The following BBX variants were observed in gnomAD, a reference collection of about 807,000 sequenced individuals.
BBX encodes the protein BBX high mobility group box domain containing, also known as HMG box transcription factor BBX.
A neutral mutation model predicts 100.2 loss-of-function variants in BBX; 30 were observed. That is an observed-to-expected ratio of 0.30 (90% CI 0.22 to 0.41). BBX has a LOEUF of 0.41. Among genes scored for constraint, BBX ranks in the 10% least tolerant of loss-of-function variants. The pLI is 1.00. For missense variants in BBX, 1,023 were observed against 1,129.8 expected (o/e 0.91, Z 1.35); for synonymous variants, 376 against 388.1 (o/e 0.97, Z 0.37).
chr3:107,726,586 A>G (rs1000278289), intron 5 of BBX, among the ~76,000 whole-genome samples: 2 of 152,032 alleles, frequency 1.3e-5, no homozygotes, highest in African/African-American at 2.4e-5. Context: ...ATTGTTTTCC[A>G]TAAAACCCCA....
intron 3 of BBX, among the ~76,000 whole-genome samples, chr3:107,667,657 T>C (rs947758429): frequency 1.3e-5 from 2 of 151,932 alleles, no homozygotes; most frequent in Non-Finnish European, 2.9e-5. Flanking sequence ...AAATTAAGAA[T>C]AAATTTTGAA....
intron 2 of BBX, among the ~76,000 whole-genome samples, chr3:107,642,872 G>C (rs1021401033): frequency 6.6e-6 from 1 of 152,006 alleles, no homozygotes; most frequent in African/African-American, 2.4e-5. Flanking sequence ...TATTGAGCTT[G>C]ATTGAATTAG....
chr3:107,790,670 T>TA (rs1559753804), intron 14 of BBX, among the ~76,000 whole-genome samples: 1 of 152,186 alleles, frequency 6.6e-6, no homozygotes, highest in Non-Finnish European at 1.5e-5. Context: ...CCCTGCATGT[T>TA]AGTGTCGTGA....
chr3:107,805,625 T>C lies in BBX; in HGVS notation c.*168T>C. 7.5e-7 allele frequency: 1 copy of C among 1,328,962 alleles called. No individual in the cohort carries two copies. Among genetic ancestry groups the C allele is most frequent in the Admixed American group, 2.4e-5 (1 of 41,198 alleles). 82.3% of individuals were successfully genotyped at this position (1,328,962 alleles called of 1,614,324 possible). A position where few individuals can be genotyped will look rare whatever the true frequency, so the allele number is the denominator to read the frequency against. On this transcript the variant is annotated 3_prime_UTR_variant, in exon 18 of 18. Coordinates refer to ENST00000325805, the MANE Select transcript of BBX (RefSeq NM_001142568.3). ...GCAGAAGTTAGCATCCTGGGCCAGT[T>C]TGTTCTCTCAGAACCCAGAATCTTT...
At chr3:107,543,221 T>C (rs1040972134) in intron 2 of BBX, among the ~76,000 whole-genome samples, 1 of 152,194 alleles carries the variant, frequency 6.6e-6, no homozygotes, top group Non-Finnish European at 1.5e-5. Flanking sequence ...TCTATCATTA[T>C]AAATTTGAAG....
chr3:107,664,019 A>G (rs1428848076), intron 3 of BBX, among the ~76,000 whole-genome samples: 1 of 151,998 alleles, frequency 6.6e-6, no homozygotes, highest in South Asian at 2.1e-4. Flanking sequence ...GTTAGCCAGG[A>G]TGGTCTCGAT....
rs2071227987 is a variant in BBX, at chr3:107,810,079, C to T, written c.*4622C>T. 1 of 151,912 alleles carries T rather than the reference C, an allele frequency of 6.6e-6. No homozygotes were observed. Among genetic ancestry groups the T allele is most frequent in the Admixed American group, 6.6e-5 (1 of 15,254 alleles). 9.4% of individuals were successfully genotyped at this position (151,912 alleles called of 1,614,324 possible). On this transcript the variant is annotated 3_prime_UTR_variant, in exon 18 of 18. Coordinates refer to ENST00000325805, the MANE Select transcript of BBX (RefSeq NM_001142568.3). ...CAACTTTGTTCATTTCACTGAGGAC[C>T]TTATCTTCCTTATATTTCAGAACAA...
chr3:107,742,410 T>C (rs2064187777), intron 7 of BBX, among the ~76,000 whole-genome samples: 1 of 151,878 alleles, frequency 6.6e-6, no homozygotes, highest in African/African-American at 2.4e-5. Flanking sequence ...GCTAACTACA[T>C]AGCTTAGTAC....
chr3:107,654,124 C>T (rs999479448), intron 3 of BBX, among the ~76,000 whole-genome samples: 4 of 152,058 alleles, frequency 2.6e-5, no homozygotes, highest in Non-Finnish European at 4.4e-5. Flanking sequence ...ATTGTCAATC[C>T]CCTTAAATAC....
intron 2 of BBX, among the ~76,000 whole-genome samples, chr3:107,616,471 C>A (rs552143569): frequency 3.3e-5 from 5 of 152,188 alleles, no homozygotes; most frequent in South Asian, 4.1e-4. Context: ...AAATGGTTTT[C>A]CAGAATGGCT....
At chr3:107,528,976 A>T (rs555959152) in intron 2 of BBX, among the ~76,000 whole-genome samples, 87 of 152,316 alleles carry the variant, frequency 5.7e-4, no homozygotes, top group African/African-American at 2.0e-3. Flanking sequence ...TTACTTTTAT[A>T]TTAGAAATCT....
intron 5 of BBX, among the ~76,000 whole-genome samples, chr3:107,717,919 G>A (rs2062219869): frequency 6.6e-6 from 1 of 151,740 alleles, no homozygotes; most frequent in South Asian, 2.1e-4. Context: ...CCAAACACTT[G>A]GTTAAGTTTT....
chr3:107,617,164 T>C (rs2055356363), intron 2 of BBX, among the ~76,000 whole-genome samples: 1 of 152,178 alleles, frequency 6.6e-6, no homozygotes, highest in Non-Finnish European at 1.5e-5. Flanking sequence ...CTCCATTGAA[T>C]TGCTTTTGGA....
rs530046065 is a variant in BBX, at chr3:107,786,409, A to G, written c.2204-3378A>G. 1.7e-3 allele frequency among the ~76,000 whole-genome samples: 253 copies of G among 152,280 alleles called. 3 individuals carry two copies. Among genetic ancestry groups the G allele is most frequent in the South Asian group, 0.015 (74 of 4,832 alleles). On this transcript the variant is annotated intron_variant, in intron 13 of 17. Coordinates refer to ENST00000325805, the MANE Select transcript of BBX (RefSeq NM_001142568.3). Reference sequence around the variant, plus strand: ...TGATTTTAAAACTAATTACAAAACAATGGTAATCAAGAGAGTGTTGTACTA... The same window carrying G: ...TGATTTTAAAACTAATTACAAAACAGTGGTAATCAAGAGAGTGTTGTACTA...
intron 3 of BBX, among the ~76,000 whole-genome samples, chr3:107,668,075 G>C (rs565371322): frequency 6.6e-6 from 1 of 152,100 alleles, no homozygotes; most frequent in Non-Finnish European, 1.5e-5. Flanking sequence ...AAAAACAATG[G>C]AACAGAAAGT....
chr3:107,596,158 C>T (rs1479900288), intron 2 of BBX, among the ~76,000 whole-genome samples: 1 of 152,144 alleles, frequency 6.6e-6, no homozygotes, highest in Non-Finnish European at 1.5e-5. Context: ...AGACAGCACA[C>T]TCATCTCTTA....
In BBX at chr3:107,773,366, G is replaced by A; in HGVS notation, c.1645G>A (p.Glu549Lys). 1 of 1,614,080 alleles carries A rather than the reference G, an allele frequency of 6.2e-7. No homozygotes were observed. Among genetic ancestry groups the A allele is most frequent in the Non-Finnish European group, 8.5e-7 (1 of 1,179,990 alleles). Residue 549 changes from glutamate to lysine, a missense_variant, in exon 11 of 18, where the codon GAG (glutamate) becomes AAG (lysine). Transcript: ENST00000325805. This position sits in a 1 kb window ranked among gnomAD's most constrained non-coding sequence, Gnocchi z 4.1. ...SKEKSSDTTK[E>K]SRPPDFISIS... ...GGAGAAATCCTCAGACACCACCAAAGAGTCAAGACCTCCAGATTTCATTAG... is the reference window on the plus strand; with the variant it reads ...GGAGAAATCCTCAGACACCACCAAAAAGTCAAGACCTCCAGATTTCATTAG...
chr3:107,543,992 T>A (rs902872058), intron 2 of BBX, among the ~76,000 whole-genome samples: 3 of 152,248 alleles, frequency 2.0e-5, no homozygotes, highest in African/African-American at 7.2e-5. Context: ...TTTACATGTA[T>A]GCAGGCTAAA....
At chr3:107,789,663 C>T in intron 13 of BBX, 124 bp from the exon 14 acceptor site, 1 of 659,072 alleles carries the variant, frequency 1.5e-6, no homozygotes, top group Non-Finnish European at 2.5e-6. Flanking sequence ...TGCAAGATGA[C>T]ATTTATTGAG....
Sources: gnomAD v4.1 joint callset for allele counts (sites outside exome capture counted in the v4.1 genomes callset) on GRCh38, gnomAD v4.1.1 for gene constraint, Gnocchi (gnomAD v3.1) non-coding constraint, MANE v1.5 for transcripts, NCBI Gene and HGNC (gene_info 2026-07-23, HGNC 2026-07-21) for gene names.